DLG2: variants seen among roughly 807,000 people sequenced by gnomAD.
DLG2 encodes disks large homolog 2.
DLG2 carries 45 observed loss-of-function variants against 132.5 expected under a neutral mutation model. That is an observed-to-expected ratio of 0.34 (90% CI 0.27 to 0.44). DLG2 has a LOEUF of 0.44. Among genes scored for constraint, DLG2 ranks in the 20% least tolerant of loss-of-function variants. The probability of loss-of-function intolerance (pLI) is 1.00; values close to 1 mark genes in which losing one functional copy is unlikely to be tolerated. For synonymous variants in DLG2, 424 were observed against 419.6 expected (o/e 1.01, Z -0.13); for missense variants, 1,045 against 1,196.9 (o/e 0.87, Z 1.87).
chr11:84,777,736 T>C lies in DLG2; in HGVS notation c.358-243005A>G, dbSNP rs866784417. Among the ~76,000 whole-genome samples the C allele has an allele frequency of 3.9e-5, 6 of 152,180 alleles. No homozygotes were observed. The South Asian group carries it at 6.2e-4, about 16-fold the overall frequency. On this transcript the variant is annotated intron_variant, in intron 6 of 27. Transcript: ENST00000376104. ...AAGTGACGTTGAGCATTATTTCATA[T>C]ACCAGTTGTATGTCTTCTTTTGAAA...
At chr11:85,072,123 C>T (rs1002674311) in intron 6 of DLG2, among the ~76,000 whole-genome samples, 10 of 151,836 alleles carry the variant, frequency 6.6e-5, no homozygotes, top group African/African-American at 2.4e-4. Flanking sequence ...CTCATTGTTA[C>T]AATTGTACCT....
chr11:83,520,600 T>TAGAA (rs887315496), intron 21 of DLG2, among the ~76,000 whole-genome samples: 1 of 151,642 alleles, frequency 6.6e-6, no homozygotes, highest in Admixed American at 6.6e-5. Context: ...GGTAGATAGA[T>TAGAA]AGAAAGACAG....
At chr11:85,279,382 G>A (rs2078093169) in intron 4 of DLG2, among the ~76,000 whole-genome samples, 1 of 152,066 alleles carries the variant, frequency 6.6e-6, no homozygotes, top group Non-Finnish European at 1.5e-5. Flanking sequence ...GAGAGGAAAG[G>A]AAAAGAGGAG....
chr11:84,003,850 G>T (rs2094462807), intron 11 of DLG2, among the ~76,000 whole-genome samples: 1 of 152,052 alleles, frequency 6.6e-6, no homozygotes, highest in Admixed American at 6.6e-5. Context: ...TAGAGGAAAT[G>T]GATAAATTCC....
chr11:84,348,474 C>T (rs944454442), intron 7 of DLG2, among the ~76,000 whole-genome samples: 4 of 152,124 alleles, frequency 2.6e-5, no homozygotes, highest in African/African-American at 9.7e-5. Flanking sequence ...GAGTAATATT[C>T]AGGGATCTCT....
chr11:84,690,112 T>G (rs918479054), intron 6 of DLG2, among the ~76,000 whole-genome samples: 1 of 151,494 alleles, frequency 6.6e-6, no homozygotes, highest in Non-Finnish European at 1.5e-5. Flanking sequence ...GTGGTCGGGA[T>G]GGGGTTGGGG....
intron 18 of DLG2, among the ~76,000 whole-genome samples, chr11:83,679,422 T>C (rs2078349180): frequency 6.6e-6 from 1 of 152,210 alleles, no homozygotes; most frequent in Non-Finnish European, 1.5e-5. Flanking sequence ...TCAGTTTATT[T>C]CCATGTTCTC....
At chr11:83,808,249 A>T (rs1004223037) in intron 17 of DLG2, among the ~76,000 whole-genome samples, 10 of 152,102 alleles carry the variant, frequency 6.6e-5, no homozygotes, top group Non-Finnish European at 1.3e-4. Context: ...GGTATTAGAG[A>T]GCACAACAAT....
At chr11:84,425,694 C>G (rs2098964165) in intron 7 of DLG2, among the ~76,000 whole-genome samples, 1 of 152,006 alleles carries the variant, frequency 6.6e-6, no homozygotes, top group Non-Finnish European at 1.5e-5. Context: ...TAAATTAAAT[C>G]TGAGAACATT....
At chr11:84,075,153 C>A (rs902985139) in intron 10 of DLG2, among the ~76,000 whole-genome samples, 1 of 152,154 alleles carries the variant, frequency 6.6e-6, no homozygotes, top group South Asian at 2.1e-4. Flanking sequence ...TTAAATATCA[C>A]CTCCTCAGAA....
Position 85,147,126 on chromosome 11 carries a change from C to T in DLG2, c.282+7430G>A, listed in dbSNP as rs1053454903. ...TATAGGCAATGCGAAACTGTCTTTC[C>T]TACCTTCTTTAGTGTCTCTTTCCTT... On this transcript the variant is annotated intron_variant, in intron 5 of 27. Coordinates refer to ENST00000376104, the MANE Select transcript of DLG2 (RefSeq NM_001142699.3). Among the ~76,000 whole-genome samples the T allele has an allele frequency of 2.7e-4, 41 of 152,174 alleles. 1 individual carries two copies. Among genetic ancestry groups the T allele is most frequent in the Non-Finnish European group, 5.9e-5 (4 of 68,030 alleles).
chr11:84,643,567 A>T (rs934749326), intron 6 of DLG2, among the ~76,000 whole-genome samples: 1 of 152,160 alleles, frequency 6.6e-6, no homozygotes, highest in African/African-American at 2.4e-5. Context: ...ATTCCCTCAA[A>T]TCTGGAAGGA....
At chr11:85,095,946 G>C (rs1320622611) in intron 6 of DLG2, among the ~76,000 whole-genome samples, 3 of 152,208 alleles carry the variant, frequency 2.0e-5, no homozygotes, top group African/African-American at 7.2e-5. Context: ...TTCTGGGTCA[G>C]GTGGGGACTT....
chr11:84,502,972 G>T (rs1484758546), intron 7 of DLG2, among the ~76,000 whole-genome samples: 1 of 152,116 alleles, frequency 6.6e-6, no homozygotes, highest in African/African-American at 2.4e-5. Context: ...TAGACAGAAA[G>T]GAAAAGAAAA....
chr11:83,790,186 G>T, intron 17 of DLG2: 1 of 867,702 alleles, frequency 1.2e-6, no homozygotes, highest in Admixed American at 2.2e-5. Context: ...CATTTTCAGA[G>T]TCCCTGACTG....
chr11:85,526,218 T>A (rs1037289118), intron 3 of DLG2, among the ~76,000 whole-genome samples: 1 of 152,120 alleles, frequency 6.6e-6, no homozygotes, highest in East Asian at 1.9e-4. Flanking sequence ...AACTGAAGTA[T>A]CATGAAGAAA....
chr11:84,695,594 T>C (rs1396122228), intron 6 of DLG2, among the ~76,000 whole-genome samples: 1 of 151,538 alleles, frequency 6.6e-6, no homozygotes, highest in Non-Finnish European at 1.5e-5. Flanking sequence ...ATTTGAACAT[T>C]TTGCATGGAA....
At chr11:83,591,800 G>T (rs2097192058) in intron 19 of DLG2, among the ~76,000 whole-genome samples, 2 of 152,158 alleles carry the variant, frequency 1.3e-5, no homozygotes, top group Admixed American at 6.5e-5. Context: ...AAAGTCTCAG[G>T]ATACAAAATC....
At chr11:84,136,825 T>G (rs1172714577) in intron 9 of DLG2, among the ~76,000 whole-genome samples, 1 of 152,114 alleles carries the variant, frequency 6.6e-6, no homozygotes, top group Non-Finnish European at 1.5e-5. Flanking sequence ...AACAGGAGAT[T>G]CATTTGCTGG....
Sources: allele counts gnomAD v4.1 joint callset (sites outside exome capture counted in the v4.1 genomes callset), GRCh38; gene constraint gnomAD v4.1.1; transcripts MANE v1.5; gene names NCBI Gene and HGNC (gene_info 2026-07-23, HGNC 2026-07-21).